The following TNPO1 variants were observed in gnomAD, a reference collection of about 807,000 sequenced individuals.
TNPO1 encodes transportin 1.
Under a neutral mutation model 119.5 loss-of-function variants are expected in TNPO1, and 8 were observed. That is an observed-to-expected ratio of 0.07 (90% CI 0.04 to 0.12). The LOEUF is 0.12. Ranked by LOEUF, TNPO1 falls within the 10% of genes least tolerant of loss-of-function variation. The pLI, the probability that TNPO1 is intolerant of heterozygous loss-of-function variation, is 1.00. For missense variants in TNPO1, 576 were observed against 1,089.8 expected (o/e 0.53, Z 6.64); for synonymous variants, 362 against 363.0 (o/e 1.00, Z 0.03).
intron 11 of TNPO1, 90 bp from the exon 12 acceptor site, chr5:72,886,980 A>C: frequency 6.2e-5 from 71 of 1,142,982 alleles, no homozygotes; most frequent in Non-Finnish European, 7.8e-5. Flanking sequence ...ACTCCGTATT[A>C]GAGATACGAA....
chr5:72,892,018 T>G, intron 15 of TNPO1, 122 bp downstream of exon 15: 1 of 682,436 alleles, frequency 1.5e-6, no homozygotes, highest in African/African-American at 1.8e-5. Context: ...GGAAATTATA[T>G]GATACATACT....
intron 15 of TNPO1, among the ~76,000 whole-genome samples, chr5:72,892,737 A>C (rs146085588): frequency 3.3e-5 from 5 of 152,190 alleles, no homozygotes; most frequent in Non-Finnish European, 5.9e-5. Context: ...GGTTGAATCC[A>C]TAGATACAGA....
chr5:72,827,750 C>A (rs1055592415), intron 1 of TNPO1, among the ~76,000 whole-genome samples: 1 of 151,544 alleles, frequency 6.6e-6, no homozygotes, highest in African/African-American at 2.4e-5. Context: ...CCTGTCTCCA[C>A]AAAAAAATTT....
At chr5:72,861,975 T>G (rs1416729779) in intron 5 of TNPO1, 61 bp downstream of exon 5, 1 of 1,305,458 alleles carries the variant, frequency 7.7e-7, no homozygotes, top group Non-Finnish European at 1.1e-6. Flanking sequence ...ATGTTGTGTA[T>G]TAGCAGCTTT....
At position 72,901,034 on chromosome 5, in the gene TNPO1, T is replaced by A; in HGVS notation, c.2475T>A (p.Ile825=). The change falls in exon 22 of 25, where the codon ATT becomes ATA. Residue 825 remains isoleucine, a synonymous_variant. Coordinates refer to ENST00000337273, the MANE Select transcript of TNPO1 (RefSeq NM_002270.4). ...AAAAGGATTCAGCATTCCGTGGAAT[T>A]TGTACCATGATCAGTGTGAATCCCA... is the stretch of plus-strand genomic sequence containing the variant. ...NEEKDSAFRG[I]CTMISVNPSG... The A allele has an allele frequency of 6.2e-7, 1 of 1,611,784 alleles. No homozygotes were observed.
At position 72,889,984 on chromosome 5, in the gene TNPO1, G is replaced by A. The variant is rs777820123; in HGVS notation, c.1701+27G>A. 17 of 1,601,980 alleles carry A rather than the reference G, an allele frequency of 1.1e-5. No homozygotes were observed. The Admixed American group carries it at 2.8e-4, about 26-fold the overall frequency. ...TAAGTATCTGTTAAGAACTATTAGG[G>A]AAAATAATGTGTAGCATAGTTACAA... On this transcript the variant is annotated intron_variant, in intron 14 of 24. Coordinates refer to ENST00000337273, the MANE Select transcript of TNPO1 (RefSeq NM_002270.4).
chr5:72,818,927 A>G (rs1743821823), intron 1 of TNPO1, among the ~76,000 whole-genome samples: 1 of 152,150 alleles, frequency 6.6e-6, no homozygotes, highest in Non-Finnish European at 1.5e-5. Flanking sequence ...GCCATGGTAA[A>G]TCTGTTGAGT....
intron 9 of TNPO1, among the ~76,000 whole-genome samples, chr5:72,880,829 A>C (rs1012017621): frequency 1.3e-5 from 2 of 151,756 alleles, no homozygotes; most frequent in Non-Finnish European, 2.9e-5. Context: ...AAAAAAAAAA[A>C]AAAAACCTCA....
intron 6 of TNPO1, among the ~76,000 whole-genome samples, chr5:72,871,482 G>A (rs1747397705): frequency 6.6e-6 from 1 of 152,096 alleles, no homozygotes; most frequent in South Asian, 2.1e-4. Flanking sequence ...GGTTTTCATG[G>A]GGTTATATTT....
intron 7 of TNPO1, among the ~76,000 whole-genome samples, chr5:72,873,860 A>G (rs936064932): frequency 1.3e-5 from 2 of 152,272 alleles, no homozygotes; most frequent in African/African-American, 4.8e-5. Flanking sequence ...AATTGGAACA[A>G]TGGCTGCCAC....
At chr5:72,822,711 G>A (rs1158434119) in intron 1 of TNPO1, among the ~76,000 whole-genome samples, 1 of 150,272 alleles carries the variant, frequency 6.7e-6, no homozygotes, top group East Asian at 2.0e-4. Flanking sequence ...TCCTGCCTCA[G>A]CCTCCCGAGT....
chr5:72,860,558 G>A (rs1336099622), intron 4 of TNPO1, among the ~76,000 whole-genome samples: 1 of 152,216 alleles, frequency 6.6e-6, no homozygotes, highest in Non-Finnish European at 1.5e-5. Context: ...AATCCATTCA[G>A]TCAGAACAAC....
intron 1 of TNPO1, among the ~76,000 whole-genome samples, chr5:72,836,332 C>T (rs1163510553): frequency 6.6e-6 from 1 of 152,220 alleles, no homozygotes; most frequent in Non-Finnish European, 1.5e-5. Flanking sequence ...GTGCTCCCCA[C>T]AGCTTATGCA....
intron 1 of TNPO1, among the ~76,000 whole-genome samples, chr5:72,825,422 T>C (rs1744160836): frequency 6.6e-6 from 1 of 152,148 alleles, no homozygotes; most frequent in South Asian, 2.1e-4. Flanking sequence ...GTGCGGTGGC[T>C]TATGTCCGTA....
chr5:72,837,070 A>C (rs1285398328), intron 1 of TNPO1, among the ~76,000 whole-genome samples: 1 of 152,114 alleles, frequency 6.6e-6, no homozygotes, highest in East Asian at 1.9e-4. Flanking sequence ...TTTACCATCC[A>C]ACCTTTACCC....
chr5:72,897,178 G>C, intron 20 of TNPO1, 27 bp downstream of exon 20: 2 of 1,523,076 alleles, frequency 1.3e-6, no homozygotes, highest in Non-Finnish European at 1.8e-6. Context: ...CTGTTTCAGT[G>C]AAGAGAAAAT....
Position 72,865,749 on chromosome 5 carries a change from T to C in TNPO1, c.596+20T>C, listed in dbSNP as rs199953640. The C allele has an allele frequency of 6.2e-7, 1 of 1,604,046 alleles. No homozygotes were observed. The highest frequency in any genetic ancestry group is 8.5e-7 in the Non-Finnish European group (1 of 1,176,140). Reference sequence around the variant, plus strand: ...AATAAGGTACTTATATTGCCAGTACTAATTGATTAACTGTGATATAAACCT... The same window carrying C: ...AATAAGGTACTTATATTGCCAGTACCAATTGATTAACTGTGATATAAACCT... On this transcript the variant is annotated intron_variant, in intron 6 of 24. Transcript: ENST00000337273.
chr5:72,818,213 T>C (rs1322185259), intron 1 of TNPO1, among the ~76,000 whole-genome samples: 1 of 152,266 alleles, frequency 6.6e-6, no homozygotes, highest in African/African-American at 2.4e-5. Context: ...TCAGGAATTA[T>C]TAAATTCCTC....
At position 72,887,130 on chromosome 5, in the gene TNPO1, C is replaced by A. The variant is rs760596337; in HGVS notation, c.1211C>A (p.Pro404Gln). ...AATGTGTATCGTGATGAACTGCTGC[C>A]ACATATTTTGCCCCTTTTGAAAGAA... is the stretch of plus-strand genomic sequence containing the variant. ...LANVYRDELL[P>Q]HILPLLKELL... Residue 404 changes from proline to glutamine, a missense_variant, in exon 12 of 25, where the codon CCA (proline) becomes CAA (glutamine). Physicochemically the swap from Pro to Gln is moderately conservative, Grantham distance 76 (BLOSUM62 -1). Around this residue, in one of 6 missense-constraint regions of TNPO1, gnomAD observed 310 missense variants for 583.0 expected, o/e 0.53. Transcript: ENST00000337273. The A allele has an allele frequency of 7.4e-6, 12 of 1,613,690 alleles. No individual in the cohort carries two copies. In the South Asian group the frequency reaches 1.3e-4, roughly 18 times the overall value.
Sources: allele counts gnomAD v4.1 joint callset (sites outside exome capture counted in the v4.1 genomes callset), GRCh38; gene constraint gnomAD v4.1.1; regional missense constraint gnomAD v4.1.1; transcripts MANE v1.5; gene names NCBI Gene and HGNC (gene_info 2026-07-23, HGNC 2026-07-21).